PIGX: variants seen among roughly 807,000 people sequenced by gnomAD.
PIGX encodes GPI alpha-1,4-mannosyltransferase I, stabilizing subunit.
A neutral mutation model predicts 28.7 loss-of-function variants in PIGX; 24 were observed. That is an observed-to-expected ratio of 0.84 (90% CI 0.60 to 1.17). The LOEUF (loss-of-function observed/expected upper bound fraction) is 1.17, where lower values mean the gene tolerates loss of function less well. Among genes scored for constraint, PIGX ranks in the 50% most tolerant of loss-of-function variants. The pLI is 0.00. For missense variants in PIGX, 305 were observed against 317.8 expected, an observed-to-expected ratio of 0.96 and a Z score of 0.31; for synonymous variants, 127 against 121.0, an observed-to-expected ratio of 1.05 and a Z score of -0.33.
At chr3:196,712,773 G>A in intron 1 of PIGX, 129 bp downstream of exon 1, 1 of 1,108,534 alleles carries the variant, frequency 9.0e-7, no homozygotes. Context: ...GAGGAGGTCA[G>A]ACACTAGAGC....
intron 3 of PIGX, chr3:196,726,617 T>G (rs533435819): frequency 2.2e-6 from 1 of 453,236 alleles, no homozygotes; most frequent in East Asian, 7.0e-5. Context: ...AACCATGTCA[T>G]GAGAACCCAG....
rs1391487127 is a variant in PIGX at position 196,731,031 on chromosome 3, C to T, written c.572C>T (p.Ala191Val). Residue 191 changes from alanine (A) to valine (V), a missense_variant, in exon 5 of 6, where the codon GCA becomes GTA. By Grantham distance (64) the Ala-to-Val change is moderately conservative. Coordinates refer to ENST00000392391, the MANE Select transcript of PIGX (RefSeq NM_017861.4). ...AAATGCTGGGCTCACTCAGAAGTGG[C>T]AGCCCCTTGTGCTTTGGAGAATGAG... 3.1e-6 allele frequency: 5 copies of T among 1,611,186 alleles called. No homozygotes were observed. In the African/African-American group the frequency reaches 4.0e-5, roughly 13 times the overall value.
At chr3:196,714,895 G>A (rs1712027514) in intron 1 of PIGX, among the ~76,000 whole-genome samples, 1 of 152,120 alleles carries the variant, frequency 6.6e-6, no homozygotes, top group Non-Finnish European at 1.5e-5. Flanking sequence ...GGCCAACGTG[G>A]TGAAACTCCA....
At position 196,720,087 on chromosome 3, in the gene PIGX, C is replaced by T. The variant is rs765813600; in HGVS notation, c.177-2328C>T. Among the ~76,000 whole-genome samples, 10 of 152,168 alleles carry T rather than the reference C, an allele frequency of 6.6e-5. No individual in the cohort carries two copies. The East Asian group carries it at 1.7e-3, about 26-fold the overall frequency. On this transcript the variant is annotated intron_variant, in intron 2 of 5. Coordinates refer to ENST00000392391, the MANE Select transcript of PIGX (RefSeq NM_017861.4). ...GCCACCGCGCCCGGCCTAATTTTAA[C>T]GATTTGTAAGTGTGCAATTCAGTGG...
rs1218998409 is a variant in PIGX, at chr3:196,714,106, T to C, written c.112+1462T>C. ...TCATAATTTTTCTTCTAATTTAATT[T>C]ATAGTTGGATAGCAGTCCTCACTTC... On this transcript the variant is annotated intron_variant, in intron 1 of 5. Coordinates refer to ENST00000392391, the MANE Select transcript of PIGX (RefSeq NM_017861.4). 2.0e-5 allele frequency among the ~76,000 whole-genome samples: 3 copies of C among 152,178 alleles called. No homozygotes were observed. The East Asian group carries it at 5.8e-4, about 29-fold the overall frequency.
chr3:196,721,272 T>C (rs1164440577), intron 2 of PIGX: 1 of 301,862 alleles, frequency 3.3e-6, no homozygotes. Context: ...CTCTCTGTGC[T>C]TCAGTGTGGG....
Position 196,728,149 on chromosome 3 carries a change from A to C in PIGX, c.532+13A>C. On this transcript the variant is annotated intron_variant, in intron 4 of 5. Transcript: ENST00000392391. Reference sequence around the variant, plus strand: ...TTTTGTGACCAAGGTGAGGGCTGCAAGTGTTTTCTAAGGGTTGAAACATCA... The same window carrying C: ...TTTTGTGACCAAGGTGAGGGCTGCACGTGTTTTCTAAGGGTTGAAACATCA... The C allele has an allele frequency of 6.2e-7, 1 of 1,606,046 alleles. No homozygotes were observed. The highest frequency in any genetic ancestry group is 8.5e-7 in the Non-Finnish European group (1 of 1,172,814).
intron 2 of PIGX, among the ~76,000 whole-genome samples, chr3:196,720,304 T>C (rs1712273906): frequency 1.3e-5 from 2 of 152,258 alleles, no homozygotes; most frequent in African/African-American, 4.8e-5. Flanking sequence ...TGGAATCATA[T>C]AATGTTTGTG....
chr3:196,720,250 T>G lies in PIGX; in HGVS notation c.177-2165T>G, dbSNP rs118020778. ...TCCTCCCAGCTCCTGGCAACCAGCA[T>G]GCTTGTCTCTGTGAATTTGACTCCT... On this transcript the variant is annotated intron_variant, in intron 2 of 5. Coordinates refer to ENST00000392391, the MANE Select transcript of PIGX (RefSeq NM_017861.4). Among the ~76,000 whole-genome samples, 42 of 152,354 alleles carry G rather than the reference T, an allele frequency of 2.8e-4. No individual in the cohort carries two copies. The East Asian group carries it at 6.7e-3, about 24-fold the overall frequency.
Position 196,712,798 on chromosome 3 carries a change from C to T in PIGX, c.112+154C>T. The T allele has an allele frequency of 3.6e-6, 4 of 1,106,600 alleles. No homozygotes were observed. The African/African-American group carries it at 6.6e-5, about 18-fold the overall frequency. 68.5% of individuals were successfully genotyped at this position (1,106,600 alleles called of 1,614,324 possible). Reference sequence around the variant, plus strand: ...GACACTAGAGCCGTGTGCCCTCCTTCCCTCCCGTGCGCTTTGCTCTGCGGC... The same window carrying T: ...GACACTAGAGCCGTGTGCCCTCCTTTCCTCCCGTGCGCTTTGCTCTGCGGC... On this transcript the variant is annotated intron_variant, in intron 1 of 5. Coordinates refer to ENST00000392391, the MANE Select transcript of PIGX (RefSeq NM_017861.4).
At chr3:196,718,901 G>T (rs1712203244) in intron 2 of PIGX, among the ~76,000 whole-genome samples, 1 of 152,090 alleles carries the variant, frequency 6.6e-6, no homozygotes, top group South Asian at 2.1e-4. Context: ...TGGATGAATT[G>T]ACCCTTTTAT....
At chr3:196,726,593 A>T in intron 3 of PIGX, 1 of 445,760 alleles carries the variant, frequency 2.2e-6, no homozygotes, top group Non-Finnish European at 4.5e-6. Context: ...AGCTAATATG[A>T]TGAATGATTT....
At chr3:196,725,816 C>T (rs1185839834) in intron 3 of PIGX, among the ~76,000 whole-genome samples, 1 of 152,172 alleles carries the variant, frequency 6.6e-6, no homozygotes, top group African/African-American at 2.4e-5. Flanking sequence ...AGAACTTTTA[C>T]TCAGTAGCAG....
chr3:196,713,548 C>A (rs924485414), intron 1 of PIGX, among the ~76,000 whole-genome samples: 1 of 152,042 alleles, frequency 6.6e-6, no homozygotes, highest in South Asian at 2.1e-4. Flanking sequence ...CTCAGGTGGT[C>A]CACCCTCCTC....
rs1199245830 is a variant in PIGX, at chr3:196,712,609, C to A, written c.77C>A (p.Pro26His). Residue 26 changes from proline (P) to histidine (H), a missense_variant, in exon 1 of 6, where the codon CCC becomes CAC. Transcript: ENST00000392391. ...GCGGCGACCGGGCTCACGCGCGGGC[C>A]CGCCGCGGCCTTCACCGCCGCGCGC... is the stretch of plus-strand genomic sequence containing the variant. 1.0e-5 allele frequency: 12 copies of A among 1,190,922 alleles called. No individual in the cohort carries two copies. Among genetic ancestry groups the A allele is most frequent in the Non-Finnish European group, 1.2e-5 (12 of 961,604 alleles). 73.8% of individuals were successfully genotyped at this position (1,190,922 alleles called of 1,614,324 possible).
rs2108693252 is a variant in PIGX at position 196,734,245 on chromosome 3, T to C, written c.*343T>C. On this transcript the variant is annotated 3_prime_UTR_variant, in exon 6 of 6. Coordinates refer to ENST00000392391, the MANE Select transcript of PIGX (RefSeq NM_017861.4). ...ATTCTCATTTTGCAAGTACTTTCAA[T>C]TTAAGCTACAAATTGAGAAAACCGT... is the stretch of plus-strand genomic sequence containing the variant. The C allele has an allele frequency of 5.3e-6, 1 of 188,648 alleles. No homozygotes were observed. The highest frequency in any genetic ancestry group is 5.9e-5 in the Admixed American group (1 of 17,076). 11.7% of individuals were successfully genotyped at this position (188,648 alleles called of 1,614,324 possible). A position where few individuals can be genotyped will look rare whatever the true frequency, so the allele number is the denominator to read the frequency against.
In PIGX at chr3:196,725,144, T is replaced by C. The variant is rs1467677917; in HGVS notation, c.318+2588T>C. 2.0e-5 allele frequency among the ~76,000 whole-genome samples: 3 copies of C among 152,210 alleles called. No individual in the cohort carries two copies. The East Asian group carries it at 5.8e-4, about 29-fold the overall frequency. Reference sequence around the variant, plus strand: ...TTTCATCAGAAGTCTCTTAGATTCTTTGAAAGCAGTATAATATTAGATTGA... The same window carrying C: ...TTTCATCAGAAGTCTCTTAGATTCTCTGAAAGCAGTATAATATTAGATTGA... On this transcript the variant is annotated intron_variant, in intron 3 of 5. Transcript: ENST00000392391.
chr3:196,729,867 C>T (rs1284780255), intron 4 of PIGX, among the ~76,000 whole-genome samples: 3 of 151,022 alleles, frequency 2.0e-5, no homozygotes, highest in African/African-American at 4.9e-5. Context: ...GTCAGGAGTT[C>T]GAAACCAGCC....
chr3:196,717,190 A>C (rs959171432), intron 2 of PIGX, among the ~76,000 whole-genome samples: 3 of 151,594 alleles, frequency 2.0e-5, no homozygotes, highest in Non-Finnish European at 2.9e-5. Flanking sequence ...AGTCCCAGCT[A>C]CTTCAGAGGC....
Sources: gnomAD v4.1 joint callset for allele counts (sites outside exome capture counted in the v4.1 genomes callset) on GRCh38, gnomAD v4.1.1 for gene constraint, MANE v1.5 for transcripts, NCBI Gene and HGNC (gene_info 2026-07-23, HGNC 2026-07-21) for gene names.